KLF9: variants seen among roughly 807,000 people sequenced by gnomAD.
The protein encoded by KLF9 is KLF transcription factor 9, also known as Krueppel-like factor 9.
Under a neutral mutation model 17.3 loss-of-function variants are expected in KLF9, and 2 were observed. The observed-to-expected ratio is 0.12, with a 90% CI of 0.05 to 0.36. KLF9 has a LOEUF of 0.36. Ranked by LOEUF, KLF9 falls within the 10% of genes least tolerant of loss-of-function variation. The pLI is 1.00. For missense variants in KLF9, 226 were observed against 333.2 expected (o/e 0.68, Z 2.51); for synonymous variants, 138 against 139.2 (o/e 0.99, Z 0.06).
chr9:70,387,570 C>G lies in KLF9; in HGVS notation c.*206G>C, dbSNP rs1017616918. 11 of 577,278 alleles carry G rather than the reference C, an allele frequency of 1.9e-5. No homozygotes were observed. The highest frequency in any genetic ancestry group is 1.2e-4 in the Admixed American group (4 of 33,630). 35.8% of individuals were successfully genotyped at this position (577,278 alleles called of 1,614,324 possible). Reference sequence around the variant, plus strand: ...CAGAGAGTTGCCTCTTCAAGGGGACCGAGTGTTGTTGACTTTGATCTTAGG... The same window carrying G: ...CAGAGAGTTGCCTCTTCAAGGGGACGGAGTGTTGTTGACTTTGATCTTAGG... On this transcript the variant is annotated 3_prime_UTR_variant, in exon 2 of 2. Coordinates refer to ENST00000377126, the MANE Select transcript of KLF9 (RefSeq NM_001206.4).
intron 1 of KLF9, among the ~76,000 whole-genome samples, chr9:70,400,488 C>T (rs547416741): frequency 6.6e-6 from 1 of 152,126 alleles, no homozygotes; most frequent in African/African-American, 2.4e-5. Flanking sequence ...GAGAGAGAAC[C>T]CTGATTTTGC....
chr9:70,405,741 A>C (rs2037251266), intron 1 of KLF9, among the ~76,000 whole-genome samples: 1 of 152,330 alleles, frequency 6.6e-6, no homozygotes, highest in East Asian at 1.9e-4. Context: ...TGGCCTTGGA[A>C]GGTCCCATGT....
intron 1 of KLF9, among the ~76,000 whole-genome samples, chr9:70,412,341 T>A (rs999824351): frequency 6.6e-6 from 1 of 152,060 alleles, no homozygotes; most frequent in African/African-American, 2.4e-5. Flanking sequence ...CAGCCAAATT[T>A]AAAACCACCT....
In KLF9 at chr9:70,409,322, C is replaced by G. The variant is rs572437438; in HGVS notation, c.505+3537G>C. Among the ~76,000 whole-genome samples the G allele has an allele frequency of 2.0e-5, 3 of 149,964 alleles. No homozygotes were observed. The South Asian group carries it at 6.3e-4, about 32-fold the overall frequency. On this transcript the variant is annotated intron_variant, in intron 1 of 1. Coordinates refer to ENST00000377126, the MANE Select transcript of KLF9 (RefSeq NM_001206.4). ...GAATCCTATAACCAGTGTTATCAAA[C>G]TCAACCCATTGTCACCACTTGGCGA...
intron 1 of KLF9, among the ~76,000 whole-genome samples, chr9:70,408,869 C>T (rs1424209870): frequency 6.6e-6 from 1 of 150,462 alleles, no homozygotes; most frequent in African/African-American, 2.4e-5. Context: ...TCCCTCACAC[C>T]AAGTATGCCA....
chr9:70,409,180 G>GTGTGTGTA (rs1564089414), intron 1 of KLF9, among the ~76,000 whole-genome samples: 25 of 72,178 alleles, frequency 3.5e-4, no homozygotes, highest in African/African-American at 1.1e-3. Context: ...GTATATATAT[G>GTGTGTGTA]TATACATATA....
At chr9:70,409,154 A>ATG (rs1564089372) in intron 1 of KLF9, among the ~76,000 whole-genome samples, 1 of 49,590 alleles carries the variant, frequency 2.0e-5, no homozygotes, top group African/African-American at 4.1e-5. Flanking sequence ...GTATATGTAT[A>ATG]TATATACACA....
At chr9:70,395,272 A>G (rs1481050652) in intron 1 of KLF9, among the ~76,000 whole-genome samples, 1 of 152,204 alleles carries the variant, frequency 6.6e-6, no homozygotes, top group Non-Finnish European at 1.5e-5. Context: ...GGTAAAAGAA[A>G]AAAATTAAAT....
intron 1 of KLF9, among the ~76,000 whole-genome samples, chr9:70,411,540 A>T (rs2037313521): frequency 6.6e-6 from 1 of 152,234 alleles, no homozygotes; most frequent in Admixed American, 6.5e-5. Context: ...GAGGAAATTC[A>T]GTCTGATTCC....
At chr9:70,404,897 T>C (rs2037246150) in intron 1 of KLF9, among the ~76,000 whole-genome samples, 1 of 152,044 alleles carries the variant, frequency 6.6e-6, no homozygotes, top group African/African-American at 2.4e-5. Flanking sequence ...GGAGACAGGA[T>C]TCAAAAACCC....
At chr9:70,393,076 T>C (rs2037162203) in intron 1 of KLF9, among the ~76,000 whole-genome samples, 1 of 152,194 alleles carries the variant, frequency 6.6e-6, no homozygotes, top group African/African-American at 2.4e-5. Flanking sequence ...TAAGCACCTC[T>C]TGCTGACTGA....
chr9:70,408,433 G>A (rs2037272412), intron 1 of KLF9, among the ~76,000 whole-genome samples: 1 of 152,008 alleles, frequency 6.6e-6, no homozygotes, highest in Non-Finnish European at 1.5e-5. Flanking sequence ...GAGCCCTCTG[G>A]AAAGAAGAAT....
At chr9:70,410,465 C>T (rs2037303379) in intron 1 of KLF9, among the ~76,000 whole-genome samples, 2 of 152,234 alleles carry the variant, frequency 1.3e-5, no homozygotes, top group South Asian at 4.1e-4. Flanking sequence ...CAGCACACTA[C>T]AGAAGTAGCA....
intron 1 of KLF9, among the ~76,000 whole-genome samples, chr9:70,397,497 A>G (rs2037189715): frequency 1.3e-5 from 2 of 151,818 alleles, no homozygotes; most frequent in Admixed American, 6.6e-5. Context: ...AAACGGAGAA[A>G]GTCAGAAACT....
chr9:70,411,374 T>C (rs768042493), intron 1 of KLF9, among the ~76,000 whole-genome samples: 3 of 152,032 alleles, frequency 2.0e-5, no homozygotes, highest in Non-Finnish European at 4.4e-5. Context: ...CCAGTTAATA[T>C]ACCCCTACTT....
At chr9:70,398,159 TG>T (rs1159148646) in intron 1 of KLF9, among the ~76,000 whole-genome samples, 3 of 152,260 alleles carry the variant, frequency 2.0e-5, no homozygotes, top group African/African-American at 7.2e-5. Context: ...CATTTGCTTC[TG>T]ACCTCTCACT....
intron 1 of KLF9, among the ~76,000 whole-genome samples, chr9:70,409,716 C>G (rs1564089577): frequency 6.6e-6 from 1 of 152,016 alleles, no homozygotes; most frequent in Non-Finnish European, 1.5e-5. Context: ...AGTCTGGAAA[C>G]AGGAAAAATA....
At chr9:70,408,006 C>T (rs761094297) in intron 1 of KLF9, among the ~76,000 whole-genome samples, 11 of 152,196 alleles carry the variant, frequency 7.2e-5, no homozygotes, top group Non-Finnish European at 1.6e-4. Flanking sequence ...AAAGTCTTAG[C>T]TATTACAACG....
chr9:70,400,639 T>C (rs2037214765), intron 1 of KLF9, among the ~76,000 whole-genome samples: 1 of 152,174 alleles, frequency 6.6e-6, no homozygotes, highest in African/African-American at 2.4e-5. Flanking sequence ...TGCTAGGCTG[T>C]GGCATTCATA....
Sources: allele counts gnomAD v4.1 joint callset (sites outside exome capture counted in the v4.1 genomes callset), GRCh38; gene constraint gnomAD v4.1.1; transcripts MANE v1.5; gene names NCBI Gene and HGNC (gene_info 2026-07-23, HGNC 2026-07-21).